Variants in ST7 observed in about 807,000 individuals in gnomAD.
ST7 encodes suppression of tumorigenicity 7.
In ST7, 28 loss-of-function variants were observed where a neutral mutation model predicts 78.7. The observed-to-expected ratio is 0.36, with a 90% CI of 0.26 to 0.49. ST7 has a LOEUF of 0.49. Ranked by LOEUF, ST7 falls within the 20% of genes least tolerant of loss-of-function variation. The pLI, the probability that ST7 is intolerant of heterozygous loss-of-function variation, is 0.99. For synonymous variants in ST7, 247 were observed against 249.6 expected (o/e 0.99, Z 0.10); for missense variants, 418 against 696.0 (o/e 0.60, Z 4.49).
At chr7:117,147,342 T>C (rs1805875264) in intron 9 of ST7, among the ~76,000 whole-genome samples, 1 of 152,210 alleles carries the variant, frequency 6.6e-6, no homozygotes, top group African/African-American at 2.4e-5. Flanking sequence ...ATATACGTGC[T>C]AGATTCCAGT....
chr7:117,024,548 CAG>C lies in ST7; in HGVS notation c.151+70860_151+70861del, dbSNP rs1316545504. 4.6e-5 allele frequency among the ~76,000 whole-genome samples: 7 copies of C among 152,332 alleles called. No individual in the cohort carries two copies. The East Asian group carries it at 1.3e-3, about 29-fold the overall frequency. On this transcript the variant is annotated intron_variant, in intron 1 of 15. Transcript: ENST00000323984. The stretch of plus-strand genomic sequence containing the variant: ...GAGCAACACCTTACCTGCTGAGAAA[CAG>C]AGTGTCCCTGGGGCAAATAGCATTA...
At chr7:116,972,351 T>C in intron 1 of ST7, 1 of 621,448 alleles carries the variant, frequency 1.6e-6, no homozygotes, top group Non-Finnish European at 2.9e-6. Flanking sequence ...TCTTGATCTC[T>C]TTCTCATATT....
At chr7:117,100,502 A>T (rs1169621027) in intron 2 of ST7, among the ~76,000 whole-genome samples, 1 of 152,098 alleles carries the variant, frequency 6.6e-6, no homozygotes, top group East Asian at 1.9e-4. Context: ...AACGATCAAA[A>T]TGGAATATTG....
chr7:116,955,466 A>G (rs540937606), intron 1 of ST7, among the ~76,000 whole-genome samples: 1 of 152,188 alleles, frequency 6.6e-6, no homozygotes, highest in East Asian at 1.9e-4. Context: ...TTTATAACAA[A>G]CCTACTCCCT....
At chr7:117,002,813 CTTTTTTTTTTTTTTT>C (rs397970060) in intron 1 of ST7, among the ~76,000 whole-genome samples, 24 of 72,156 alleles carry the variant, frequency 3.3e-4, no homozygotes, top group Non-Finnish European at 4.5e-4. Flanking sequence ...ATTTTTTTTC[CTTTTTTTTTTTTTTT>C]TTTTTTTTTT....
chr7:117,174,862 A>G (rs909913640), intron 10 of ST7, among the ~76,000 whole-genome samples: 1 of 152,238 alleles, frequency 6.6e-6, no homozygotes, highest in Admixed American at 6.5e-5. Flanking sequence ...AGAAAACTGC[A>G]GAGCTGGGAT....
rs573652647 is a variant in ST7 at position 117,025,105 on chromosome 7, C to T, written c.151+71414C>T. ...AGATACTGTAGTTAAACAGACATCTCTTTGATAAAAAAAAAGTGAGTTGTA... is the reference window on the plus strand; with the variant it reads ...AGATACTGTAGTTAAACAGACATCTTTTTGATAAAAAAAAAGTGAGTTGTA... On this transcript the variant is annotated intron_variant, in intron 1 of 15. Coordinates refer to ENST00000323984, the MANE Select transcript of ST7 (RefSeq NM_001369598.1). Among the ~76,000 whole-genome samples the T allele has an allele frequency of 5.5e-4, 83 of 152,166 alleles. No individual in the cohort carries two copies. The South Asian group carries it at 7.7e-3, about 14-fold the overall frequency.
chr7:117,041,575 A>G (rs757211619), intron 1 of ST7, among the ~76,000 whole-genome samples: 2 of 152,182 alleles, frequency 1.3e-5, no homozygotes, highest in South Asian at 2.1e-4. Flanking sequence ...TTTGACATCT[A>G]TCTTATATAT....
intron 1 of ST7, among the ~76,000 whole-genome samples, chr7:117,056,901 A>G (rs954265942): frequency 1.3e-5 from 2 of 152,194 alleles, no homozygotes; most frequent in Admixed American, 6.5e-5. Flanking sequence ...TCAATTACAC[A>G]TATAAGAGAT....
At chr7:116,988,945 A>G (rs1168670129) in intron 1 of ST7, among the ~76,000 whole-genome samples, 1 of 152,234 alleles carries the variant, frequency 6.6e-6, no homozygotes, top group Non-Finnish European at 1.5e-5. Flanking sequence ...AGAGGACACA[A>G]AAATGATTTA....
chr7:117,065,204 CTT>C lies in ST7; in HGVS notation c.152-34536_152-34535del, dbSNP rs11363365. ...AATTTGAGGGCTTTTTGGTTCAAGT[CTT>C]TTTTTTTTTTTTTTTTTTTTTAGAC... On this transcript the variant is annotated intron_variant, in intron 1 of 15. Transcript: ENST00000323984. 4.1e-3 allele frequency among the ~76,000 whole-genome samples: 378 copies of C among 91,808 alleles called. 1 individual carries two copies. The highest frequency in any genetic ancestry group is 0.016 in the East Asian group (56 of 3,446). The allele number at this position is 91,808 out of a possible 152,430, so 60.2% of individuals were successfully genotyped here.
At chr7:117,096,138 C>A (rs1373391366) in intron 1 of ST7, among the ~76,000 whole-genome samples, 3 of 146,116 alleles carry the variant, frequency 2.1e-5, no homozygotes, top group Admixed American at 6.8e-5. Flanking sequence ...AACTCACATA[C>A]CTCACAGTTT....
At chr7:117,191,774 A>C (rs1809807403) in intron 12 of ST7, 1 of 152,222 alleles carries the variant, frequency 6.6e-6, no homozygotes, top group African/African-American at 2.4e-5. Flanking sequence ...ATGACAAGCC[A>C]TAACTTCCTT....
chr7:116,991,236 C>G (rs1235101355), intron 1 of ST7, among the ~76,000 whole-genome samples: 3 of 152,208 alleles, frequency 2.0e-5, no homozygotes, highest in Admixed American at 6.5e-5. Flanking sequence ...CACCCTGACA[C>G]ATGCCTCCTT....
intron 1 of ST7, among the ~76,000 whole-genome samples, chr7:116,961,395 AT>A (rs1792813669): frequency 6.6e-6 from 1 of 152,112 alleles, no homozygotes; most frequent in South Asian, 2.1e-4. Flanking sequence ...GAAATTGTAA[AT>A]TGCTTTGGGC....
intron 1 of ST7, among the ~76,000 whole-genome samples, chr7:117,049,755 G>A (rs1027985403): frequency 4.6e-5 from 7 of 152,146 alleles, no homozygotes; most frequent in Admixed American, 2.6e-4. Context: ...ACCACAGCTG[G>A]AGACCTCAGT....
At chr7:117,038,762 G>A (rs1797042543) in intron 1 of ST7, among the ~76,000 whole-genome samples, 1 of 152,162 alleles carries the variant, frequency 6.6e-6, no homozygotes, top group Non-Finnish European at 1.5e-5. Context: ...ATGTAAAGGG[G>A]GGAGTGTGTG....
intron 1 of ST7, among the ~76,000 whole-genome samples, chr7:117,066,152 C>T (rs1308211683): frequency 1.3e-5 from 2 of 152,216 alleles, no homozygotes; most frequent in Non-Finnish European, 2.9e-5. Flanking sequence ...CCTTTATACT[C>T]ATTTAGAAAT....
intron 1 of ST7, among the ~76,000 whole-genome samples, chr7:117,097,822 C>CTATATATATATATATATATATATA (rs372192783): frequency 1.0e-5 from 1 of 99,212 alleles, no homozygotes; most frequent in African/African-American, 3.9e-5. Context: ...TGACATATCA[C>CTATATATATATATATATATATATA]TATATATATA....
Sources: allele counts gnomAD v4.1 joint callset (sites outside exome capture counted in the v4.1 genomes callset), GRCh38; gene constraint gnomAD v4.1.1; transcripts MANE v1.5; gene names NCBI Gene and HGNC (gene_info 2026-07-23, HGNC 2026-07-21).